The following CDH13 variants were observed in gnomAD, a reference collection of about 807,000 sequenced individuals.
CDH13 encodes the protein cadherin 13.
Under a neutral mutation model 63.8 loss-of-function variants are expected in CDH13, and 24 were observed. The ratio of observed to expected loss-of-function variants is 0.38; its 90% CI spans 0.27 to 0.53. The LOEUF is 0.53. CDH13 is among the 20% of genes least tolerant of loss of function. CDH13 has a pLI of 0.85. For synonymous variants in CDH13, 503 were observed against 355.3 expected, an observed-to-expected ratio of 1.42 and a Z score of -4.67; for missense variants, 1,049 against 903.1, an observed-to-expected ratio of 1.16 and a Z score of -2.07.
At chr16:83,170,937 C>A (rs945998400) in intron 4 of CDH13, among the ~76,000 whole-genome samples, 1 of 152,068 alleles carries the variant, frequency 6.6e-6, no homozygotes, top group East Asian at 1.9e-4. Context: ...CCTCTTCCAT[C>A]GTCGCTATCC....
At chr16:82,911,754 T>C (rs2041837914) in intron 2 of CDH13, among the ~76,000 whole-genome samples, 1 of 152,138 alleles carries the variant, frequency 6.6e-6, no homozygotes, top group African/African-American at 2.4e-5. Context: ...ATCCATTGTC[T>C]GCTGAGCCTA....
At chr16:82,876,123 C>T (rs566384632) in intron 2 of CDH13, among the ~76,000 whole-genome samples, 6 of 152,310 alleles carry the variant, frequency 3.9e-5, no homozygotes, top group East Asian at 3.9e-4. Flanking sequence ...CACTTCCTAC[C>T]GGTCCCTCCC....
At chr16:82,716,874 G>A (rs1408587189) in intron 1 of CDH13, among the ~76,000 whole-genome samples, 2 of 151,690 alleles carry the variant, frequency 1.3e-5, no homozygotes, top group African/African-American at 2.4e-5. Flanking sequence ...AGCCTTACAC[G>A]GGTCCGTCGT....
chr16:83,467,774 C>A (rs1052670306), intron 6 of CDH13, among the ~76,000 whole-genome samples: 8 of 152,264 alleles, frequency 5.3e-5, no homozygotes, highest in Non-Finnish European at 1.0e-4. Context: ...GGCTGTGTAA[C>A]CCTGAGCCAG....
At chr16:83,157,036 G>A (rs1265605385) in intron 4 of CDH13, among the ~76,000 whole-genome samples, 3 of 152,120 alleles carry the variant, frequency 2.0e-5, no homozygotes, top group African/African-American at 7.2e-5. Context: ...CAAATCAAGG[G>A]CAGTAGATTC....
At chr16:83,085,467 G>C (rs1237925423) in intron 3 of CDH13, among the ~76,000 whole-genome samples, 1 of 152,118 alleles carries the variant, frequency 6.6e-6, no homozygotes, top group Non-Finnish European at 1.5e-5. Flanking sequence ...TATCATGTCA[G>C]CAAGACTGGG....
At chr16:83,482,837 C>T (rs753888355) in intron 6 of CDH13, among the ~76,000 whole-genome samples, 1 of 152,146 alleles carries the variant, frequency 6.6e-6, no homozygotes, top group Non-Finnish European at 1.5e-5. Flanking sequence ...GGAGAAGGGA[C>T]CCGGTGAGAG....
intron 1 of CDH13, among the ~76,000 whole-genome samples, chr16:82,764,856 C>T (rs1379435706): frequency 6.8e-6 from 1 of 146,776 alleles, no homozygotes; most frequent in Non-Finnish European, 1.5e-5. Context: ...CTCTTGTCAT[C>T]CAGTCTGGAG....
intron 6 of CDH13, among the ~76,000 whole-genome samples, chr16:83,474,188 A>G (rs1436486677): frequency 6.6e-6 from 1 of 152,100 alleles, no homozygotes; most frequent in African/African-American, 2.4e-5. Flanking sequence ...CCACACATGT[A>G]TCTCCTCCTC....
At chr16:82,877,573 T>C (rs527385999) in intron 2 of CDH13, among the ~76,000 whole-genome samples, 1 of 152,306 alleles carries the variant, frequency 6.6e-6, no homozygotes, top group African/African-American at 2.4e-5. Context: ...GTAACAGCAA[T>C]GCAATGGGGG....
In CDH13 at chr16:83,266,492, G is replaced by A. The variant is rs545902196; in HGVS notation, c.636+48995G>A. Among the ~76,000 whole-genome samples the A allele has an allele frequency of 7.9e-5, 12 of 152,274 alleles. No homozygotes were observed. In the South Asian group the frequency reaches 2.5e-3, roughly 32 times the overall value. On this transcript the variant is annotated intron_variant, in intron 5 of 13. Coordinates refer to ENST00000567109, the MANE Select transcript of CDH13 (RefSeq NM_001257.5). ...AATTATAACATCTGTGTCCAAGTCAGTGTGTTCATTGTTGTATTCCTCAGA... is the reference window on the plus strand; with the variant it reads ...AATTATAACATCTGTGTCCAAGTCAATGTGTTCATTGTTGTATTCCTCAGA...
chr16:83,151,002 C>T (rs894079521), intron 4 of CDH13, among the ~76,000 whole-genome samples: 5 of 152,132 alleles, frequency 3.3e-5, no homozygotes, highest in Non-Finnish European at 7.4e-5. Context: ...TATTATTCAT[C>T]TTTATGTGAA....
intron 3 of CDH13, among the ~76,000 whole-genome samples, chr16:83,077,740 G>A (rs905813206): frequency 1.3e-5 from 2 of 152,116 alleles, no homozygotes; most frequent in African/African-American, 2.4e-5. Context: ...CAGTAAAAGG[G>A]TATGTCATGG....
chr16:83,437,462 G>C (rs1204925782), intron 6 of CDH13, among the ~76,000 whole-genome samples: 1 of 152,072 alleles, frequency 6.6e-6, no homozygotes, highest in Non-Finnish European at 1.5e-5. Flanking sequence ...GATCACCTGA[G>C]ATCAGGAGAT....
intron 3 of CDH13, among the ~76,000 whole-genome samples, chr16:83,067,195 C>G (rs1436795188): frequency 3.3e-5 from 5 of 152,144 alleles, no homozygotes; most frequent in African/African-American, 9.7e-5. Context: ...CTCTTCCTAT[C>G]AAATCTTTCA....
intron 10 of CDH13, among the ~76,000 whole-genome samples, chr16:83,707,787 A>C (rs1460426416): frequency 7.0e-6 from 1 of 143,502 alleles, no homozygotes; most frequent in African/African-American, 2.6e-5. Flanking sequence ...GAAATAATGA[A>C]GTTAAAGTGA....
chr16:82,770,557 A>C (rs1160059173), intron 1 of CDH13, among the ~76,000 whole-genome samples: 1 of 152,220 alleles, frequency 6.6e-6, no homozygotes, highest in Non-Finnish European at 1.5e-5. Flanking sequence ...ATAGTTACAT[A>C]TTCAATCATT....
intron 8 of CDH13, among the ~76,000 whole-genome samples, chr16:83,630,217 G>C (rs1489541433): frequency 1.3e-5 from 2 of 152,164 alleles, no homozygotes; most frequent in East Asian, 3.8e-4. Context: ...GTATGATGGA[G>C]ATAAGTGGAC....
chr16:82,832,297 A>G (rs1006067469), intron 1 of CDH13, among the ~76,000 whole-genome samples: 1 of 152,234 alleles, frequency 6.6e-6, no homozygotes, highest in African/African-American at 2.4e-5. Flanking sequence ...ACATGAAACC[A>G]GTTTGAAAAT....
Sources: allele counts gnomAD v4.1 joint callset (sites outside exome capture counted in the v4.1 genomes callset), GRCh38; gene constraint gnomAD v4.1.1; transcripts MANE v1.5; gene names NCBI Gene and HGNC (gene_info 2026-07-23, HGNC 2026-07-21).